The following ZSWIM6 variants were observed in gnomAD, a reference collection of about 807,000 sequenced individuals.
ZSWIM6 encodes the protein zinc finger SWIM-type containing 6, also known as zinc finger SWIM domain-containing protein 6.
ZSWIM6 carries 9 observed loss-of-function variants against 113.2 expected under a neutral mutation model. That is an observed-to-expected ratio of 0.08 (90% CI 0.05 to 0.14). The LOEUF (loss-of-function observed/expected upper bound fraction) is 0.14. Among genes scored for constraint, ZSWIM6 ranks in the 10% least tolerant of loss-of-function variants. The pLI, the probability that ZSWIM6 is intolerant of heterozygous loss-of-function variation, is 1.00. For synonymous variants in ZSWIM6, 611 were observed against 606.5 expected, an observed-to-expected ratio of 1.01 and a Z score of -0.11; for missense variants, 1,162 against 1,552.2, an observed-to-expected ratio of 0.75 and a Z score of 4.22.
At chr5:61,513,245 A>T (rs1748837383) in intron 4 of ZSWIM6, among the ~76,000 whole-genome samples, 1 of 152,034 alleles carries the variant, frequency 6.6e-6, no homozygotes. Flanking sequence ...TTCAGATTGG[A>T]TCACTTAGTT....
chr5:61,409,026 A>G (rs904986473), intron 1 of ZSWIM6, among the ~76,000 whole-genome samples: 2 of 146,634 alleles, frequency 1.4e-5, no homozygotes, highest in Non-Finnish European at 3.0e-5. Context: ...TTCCTTGATG[A>G]CTTCTAAATT....
At chr5:61,469,960 G>A (rs1168815108) in intron 1 of ZSWIM6, among the ~76,000 whole-genome samples, 1 of 152,174 alleles carries the variant, frequency 6.6e-6, no homozygotes, top group Non-Finnish European at 1.5e-5. Flanking sequence ...GCCTGCCTCG[G>A]CCTCCCAAAG....
intron 1 of ZSWIM6, among the ~76,000 whole-genome samples, chr5:61,340,853 T>G (rs1289747595): frequency 6.6e-6 from 1 of 152,228 alleles, no homozygotes; most frequent in Non-Finnish European, 1.5e-5. Context: ...TAAATTCTAA[T>G]GGCTGCAGTG....
chr5:61,523,839 C>G (rs1329594953), intron 5 of ZSWIM6, among the ~76,000 whole-genome samples: 1 of 152,072 alleles, frequency 6.6e-6, no homozygotes. Context: ...TAGAGCTAAC[C>G]ATGTTAAAAG....
At chr5:61,363,619 T>TGG (rs907467629) in intron 1 of ZSWIM6, among the ~76,000 whole-genome samples, 1 of 152,112 alleles carries the variant, frequency 6.6e-6, no homozygotes, top group Admixed American at 6.5e-5. Flanking sequence ...TTAGTTGGCT[T>TGG]GGGGGGTGGG....
In ZSWIM6 at chr5:61,494,297, C is replaced by G. The variant is rs1021596845; in HGVS notation, c.1220C>G (p.Ala407Gly). ...EMLKMRDSNG[A>G]RMLTLITEQF... ...TTAAAGATGAGGGACTCCAATGGGGCCCGCATGTTGACCTTGATAACAGAG... is the reference window on the plus strand; with the variant it reads ...TTAAAGATGAGGGACTCCAATGGGGGCCGCATGTTGACCTTGATAACAGAG... Residue 407 changes from alanine to glycine, a missense_variant, in exon 4 of 14, where the codon GCC (alanine) becomes GGC (glycine). Ala to Gly is a moderately conservative substitution (Grantham distance 60). Around this residue, in one of 4 missense-constraint regions of ZSWIM6, gnomAD observed 96 missense variants for 240.3 expected, o/e 0.40. Transcript: ENST00000252744. 3 of 1,550,868 alleles carry G rather than the reference C, an allele frequency of 1.9e-6. No homozygotes were observed. In the African/African-American group the frequency reaches 4.1e-5, roughly 21 times the overall value.
At chr5:61,536,079 C>T (rs576022597) in intron 10 of ZSWIM6, among the ~76,000 whole-genome samples, 10 of 152,324 alleles carry the variant, frequency 6.6e-5, no homozygotes, top group African/African-American at 2.4e-4. Flanking sequence ...TGCCAAGGCA[C>T]ATCTGTATTC....
intron 1 of ZSWIM6, among the ~76,000 whole-genome samples, chr5:61,430,286 C>A (rs1746552201): frequency 6.6e-6 from 1 of 152,046 alleles, no homozygotes; most frequent in Non-Finnish European, 1.5e-5. Flanking sequence ...GTAATCATAT[C>A]AAAATGATTT....
intron 4 of ZSWIM6, among the ~76,000 whole-genome samples, chr5:61,516,511 T>C (rs925952770): frequency 6.8e-6 from 1 of 146,182 alleles, no homozygotes. Context: ...ACATGCCATT[T>C]AACATGGCAA....
rs189468360 is a variant in ZSWIM6 at position 61,373,207 on chromosome 5, A to C, written c.676+40259A>C. ...AGCAGTCCTCCCACCTTGGCCTTCC[A>C]AAGTGCTTGGGATTACAGGCATGAG... is the stretch of plus-strand genomic sequence containing the variant. On this transcript the variant is annotated intron_variant, in intron 1 of 13. Transcript: ENST00000252744. Among the ~76,000 whole-genome samples, 53 of 152,084 alleles carry C rather than the reference A, an allele frequency of 3.5e-4. No homozygotes were observed. In the East Asian group the frequency reaches 7.9e-3, roughly 23 times the overall value.
At chr5:61,394,378 T>A (rs1197378263) in intron 1 of ZSWIM6, among the ~76,000 whole-genome samples, 4 of 152,192 alleles carry the variant, frequency 2.6e-5, no homozygotes, top group African/African-American at 7.2e-5. Flanking sequence ...CTCAGCCAAG[T>A]CCTGACTGCT....
intron 1 of ZSWIM6, among the ~76,000 whole-genome samples, chr5:61,366,956 G>T (rs1463237193): frequency 6.7e-6 from 1 of 148,772 alleles, no homozygotes; most frequent in Non-Finnish European, 1.5e-5. Flanking sequence ...GGCACAGAAG[G>T]CAATGCCTTA....
At chr5:61,421,427 C>T (rs1417318121) in intron 1 of ZSWIM6, among the ~76,000 whole-genome samples, 1 of 152,104 alleles carries the variant, frequency 6.6e-6, no homozygotes, top group Non-Finnish European at 1.5e-5. Context: ...CATGTTGTTG[C>T]ACATGATAGG....
chr5:61,505,620 T>G (rs935479369), intron 4 of ZSWIM6, among the ~76,000 whole-genome samples: 10 of 68,986 alleles, frequency 1.4e-4, no homozygotes, highest in African/African-American at 5.8e-4. Flanking sequence ...CCTTCCTTCC[T>G]TCCTTCCTTC....
At chr5:61,355,116 G>C (rs1378958472) in intron 1 of ZSWIM6, among the ~76,000 whole-genome samples, 1 of 152,094 alleles carries the variant, frequency 6.6e-6, no homozygotes, top group Non-Finnish European at 1.5e-5. Context: ...TAGCCCCACT[G>C]AGTAACTGCT....
chr5:61,377,729 C>A (rs1193147510), intron 1 of ZSWIM6, among the ~76,000 whole-genome samples: 60 of 149,478 alleles, frequency 4.0e-4, no homozygotes, highest in Non-Finnish European at 6.1e-4. Context: ...AAAAAAAAAA[C>A]CCCACAAAGT....
intron 1 of ZSWIM6, among the ~76,000 whole-genome samples, chr5:61,434,658 C>T (rs549336569): frequency 6.6e-6 from 1 of 152,114 alleles, no homozygotes; most frequent in Non-Finnish European, 1.5e-5. Context: ...TCCATGGTGT[C>T]TATATACCAC....
intron 1 of ZSWIM6, among the ~76,000 whole-genome samples, chr5:61,373,618 A>G (rs1468420394): frequency 6.6e-6 from 1 of 151,982 alleles, no homozygotes; most frequent in Non-Finnish European, 1.5e-5. Flanking sequence ...ACTATCTTCT[A>G]CATTGTTACC....
intron 1 of ZSWIM6, among the ~76,000 whole-genome samples, chr5:61,334,283 A>G (rs1440480804): frequency 6.6e-6 from 1 of 152,100 alleles, no homozygotes; most frequent in Non-Finnish European, 1.5e-5. Context: ...GGAATGTTTG[A>G]GCCAGACTGA....
Sources: allele counts gnomAD v4.1 joint callset (sites outside exome capture counted in the v4.1 genomes callset), GRCh38; gene constraint gnomAD v4.1.1; regional missense constraint gnomAD v4.1.1; transcripts MANE v1.5; gene names NCBI Gene and HGNC (gene_info 2026-07-23, HGNC 2026-07-21).